Variants in PDE11A observed in about 807,000 individuals in gnomAD.
The protein encoded by PDE11A is phosphodiesterase 11A.
In PDE11A, 100 loss-of-function variants were observed where a neutral mutation model predicts 100.5. That is an observed-to-expected ratio of 1.00 (90% CI 0.85 to 1.18). PDE11A has a LOEUF of 1.18. Ranked by LOEUF, PDE11A falls within the 50% of genes most tolerant of loss-of-function variation. The probability of loss-of-function intolerance (pLI) is 0.00; values close to 1 mark genes in which losing one functional copy is unlikely to be tolerated. For missense variants in PDE11A, 1,141 were observed against 1,152.6 expected (o/e 0.99, Z 0.15); for synonymous variants, 381 against 420.8 (o/e 0.91, Z 1.16).
At chr2:177,739,260 T>C (rs148484772) in intron 10 of PDE11A, among the ~76,000 whole-genome samples, 40 of 152,212 alleles carry the variant, frequency 2.6e-4, no homozygotes, top group African/African-American at 8.9e-4. Flanking sequence ...CGTGCTGCAC[T>C]CCACCGTGCA....
intron 6 of PDE11A, among the ~76,000 whole-genome samples, chr2:177,834,405 T>C (rs2083357705): frequency 6.6e-6 from 1 of 152,254 alleles, no homozygotes; most frequent in African/African-American, 2.4e-5. Context: ...CCCAGTCTTT[T>C]CCATGGATTT....
chr2:178,108,103 CAACT>C (rs2087642987), intron 1 of PDE11A, among the ~76,000 whole-genome samples: 1 of 152,206 alleles, frequency 6.6e-6, no homozygotes, highest in Non-Finnish European at 1.5e-5. Flanking sequence ...ACTTTTTACC[CAACT>C]GAGAGTGCTT....
chr2:178,021,374 A>G (rs2105833447), intron 1 of PDE11A, among the ~76,000 whole-genome samples: 1 of 152,338 alleles, frequency 6.6e-6, no homozygotes, highest in African/African-American at 2.4e-5. Context: ...AAACTTGATA[A>G]AATCAAATTA....
intron 9 of PDE11A, among the ~76,000 whole-genome samples, chr2:177,808,542 T>C (rs12105799): frequency 0.025 from 3,847 of 152,272 alleles, 149 homozygotes; most frequent in African/African-American, 0.088. Flanking sequence ...CATCTCTGAA[T>C]TGTGTAAGAA....
At chr2:178,036,851 C>T (rs1442187622) in intron 1 of PDE11A, among the ~76,000 whole-genome samples, 3 of 152,150 alleles carry the variant, frequency 2.0e-5, no homozygotes, top group South Asian at 2.1e-4. Context: ...CCCTTCCTTA[C>T]ACCTTATAGA....
chr2:177,652,622 T>C (rs559149223), intron 19 of PDE11A, among the ~76,000 whole-genome samples: 2 of 152,182 alleles, frequency 1.3e-5, no homozygotes, highest in South Asian at 4.1e-4. Context: ...GATGGGACTA[T>C]ACGCATGAGA....
chr2:178,005,374 A>G (rs1260054988), intron 2 of PDE11A, among the ~76,000 whole-genome samples: 1 of 152,086 alleles, frequency 6.6e-6, no homozygotes, highest in East Asian at 1.9e-4. Flanking sequence ...TCCTGGCCAG[A>G]CAAGGTGGCT....
rs367967620 is a variant in PDE11A at position 177,998,593 on chromosome 2, C to A, written c.1071+15709G>T. ...AACTGTGCATTGATAGCAGAATCAG[C>A]CAATTCTGTAAAATGCTTAAAGAAT... On this transcript the variant is annotated intron_variant, in intron 2 of 19. Coordinates refer to ENST00000286063, the MANE Select transcript of PDE11A (RefSeq NM_016953.4). 1.4e-5 allele frequency: 18 copies of A among 1,302,138 alleles called. No homozygotes were observed. In the East Asian group the frequency reaches 3.9e-4, roughly 28 times the overall value. The allele number at this position is 1,302,138 out of a possible 1,614,324, so 80.7% of individuals were successfully genotyped here. A position where few individuals can be genotyped will look rare whatever the true frequency, so the allele number is the denominator to read the frequency against.
chr2:178,098,920 C>A (rs1458366987), intron 2 of PDE11A, among the ~76,000 whole-genome samples: 1 of 152,112 alleles, frequency 6.6e-6, no homozygotes, highest in African/African-American at 2.4e-5. Flanking sequence ...TCTCATGATA[C>A]GATTTCTTTA....
At chr2:177,708,657 T>C (rs1574066342) in intron 13 of PDE11A, among the ~76,000 whole-genome samples, 1 of 152,362 alleles carries the variant, frequency 6.6e-6, no homozygotes, top group East Asian at 1.9e-4. Flanking sequence ...CAATGTTTTA[T>C]AATAATTTAT....
At chr2:177,923,409 C>A (rs529977165) in intron 2 of PDE11A, among the ~76,000 whole-genome samples, 10 of 151,946 alleles carry the variant, frequency 6.6e-5, no homozygotes, top group Non-Finnish European at 1.2e-4. Context: ...AAAGTAAGTA[C>A]AGGGGTAGGG....
intron 18 of PDE11A, among the ~76,000 whole-genome samples, chr2:177,666,407 G>T (rs1045020475): frequency 2.0e-5 from 3 of 152,202 alleles, no homozygotes; most frequent in Non-Finnish European, 2.9e-5. Context: ...TTCTCTTGGG[G>T]ATATACCTAG....
chr2:177,736,164 AG>A (rs1047583784), intron 10 of PDE11A, among the ~76,000 whole-genome samples: 2 of 152,126 alleles, frequency 1.3e-5, no homozygotes, highest in African/African-American at 4.8e-5. Flanking sequence ...AGGGAAAAAG[AG>A]AGAGTACTCT....
intron 7 of PDE11A, 85 bp downstream of exon 7, chr2:177,820,135 A>G: frequency 1.3e-6 from 1 of 758,716 alleles, no homozygotes; most frequent in South Asian, 1.5e-5. Flanking sequence ...AAAAAGAGGG[A>G]ACACATAAAA....
At chr2:177,759,106 A>G (rs1469974330) in intron 10 of PDE11A, among the ~76,000 whole-genome samples, 1 of 151,972 alleles carries the variant, frequency 6.6e-6, no homozygotes, top group Non-Finnish European at 1.5e-5. Context: ...AATTGCCATG[A>G]GATCCTTTTG....
chr2:177,946,086 G>A (rs868019943), intron 2 of PDE11A, among the ~76,000 whole-genome samples: 15 of 111,816 alleles, frequency 1.3e-4, no homozygotes, highest in Non-Finnish European at 1.8e-4. Context: ...CAGCCGCCCC[G>A]TCCGGGATGG....
Position 177,653,602 on chromosome 2 carries a change from C to G in PDE11A, c.2646+10264G>C, listed in dbSNP as rs566504326. Among the ~76,000 whole-genome samples, 7 of 152,190 alleles carry G rather than the reference C, an allele frequency of 4.6e-5. No individual in the cohort carries two copies. In the South Asian group the frequency reaches 1.2e-3, roughly 27 times the overall value. ...GGGCCCTAAATCCAATGGTTTGTGT[C>G]TTTATAAGAAGGTCATGTGAAAACA... On this transcript the variant is annotated intron_variant, in intron 19 of 19. Coordinates refer to ENST00000286063, the MANE Select transcript of PDE11A (RefSeq NM_016953.4).
chr2:177,809,593 A>T (rs199823673), intron 9 of PDE11A, among the ~76,000 whole-genome samples: 41 of 86,814 alleles, frequency 4.7e-4, no homozygotes, highest in African/African-American at 1.6e-3. Context: ...CTTTCATCCT[A>T]CCTCCCTCTT....
In PDE11A at chr2:177,905,181, G is replaced by T. The variant is rs755213594; in HGVS notation, c.1078C>A (p.Gln360Lys). The change falls in exon 3 of 20, where the codon CAG becomes AAG. Residue 360 changes from glutamine to lysine, a missense_variant. By Grantham distance (53) the Gln-to-Lys change is moderately conservative (BLOSUM62 1). Transcript: ENST00000286063. Reference sequence around the variant, plus strand: ...ATTCCACAAAATGGAAGATACATCTGCATAACCTGGGACAAAGAGAGTAGT... The same window carrying T: ...ATTCCACAAAATGGAAGATACATCTTCATAACCTGGGACAAAGAGAGTAGT... ...PFTEDDEKVM[Q>K]MYLPFCGIAI... The T allele has an allele frequency of 3.8e-6, 6 of 1,580,274 alleles. No individual in the cohort carries two copies. The East Asian group carries it at 1.1e-4, about 29-fold the overall frequency.
Sources: gnomAD v4.1 joint callset for allele counts (sites outside exome capture counted in the v4.1 genomes callset) on GRCh38, gnomAD v4.1.1 for gene constraint, MANE v1.5 for transcripts, NCBI Gene and HGNC (gene_info 2026-07-23, HGNC 2026-07-21) for gene names.